The following ZMYM4 variants were observed in gnomAD, a reference collection of about 807,000 sequenced individuals.
The protein encoded by ZMYM4 is zinc finger MYM-type protein 4.
In ZMYM4, 31 loss-of-function variants were observed where a neutral mutation model predicts 183.2. The ratio of observed to expected loss-of-function variants is 0.17; its 90% CI spans 0.13 to 0.23. The LOEUF is 0.23. Ranked by LOEUF, ZMYM4 falls within the 10% of genes least tolerant of loss-of-function variation. The pLI, the probability that ZMYM4 is intolerant of heterozygous loss-of-function variation, is 1.00. For synonymous variants in ZMYM4, 592 were observed against 631.2 expected (o/e 0.94, Z 0.93); for missense variants, 1,273 against 1,840.3 (o/e 0.69, Z 5.64).
At chr1:35,291,793 G>A (rs1178345641) in intron 1 of ZMYM4, among the ~76,000 whole-genome samples, 2 of 151,758 alleles carry the variant, frequency 1.3e-5, no homozygotes, top group African/African-American at 2.4e-5. Flanking sequence ...GCCTGCCACC[G>A]CGCCTGTCTA....
chr1:35,361,729 A>G lies in ZMYM4; in HGVS notation c.780A>G (p.Lys260=). 1.9e-6 allele frequency: 3 copies of G among 1,613,854 alleles called. No homozygotes were observed. The highest frequency in any genetic ancestry group is 2.5e-6 in the Non-Finnish European group (3 of 1,179,834). Residue 260 remains lysine, a synonymous_variant, in exon 5 of 30, where the codon AAA becomes AAG. Coordinates refer to ENST00000314607, the MANE Select transcript of ZMYM4 (RefSeq NM_005095.3). The part of the protein sequence containing the change: ...KEEPLDDEYD[K]AMAPQQGLLD... ...AACCTTTGGATGATGAGTATGACAA[A>G]GCAATGGCACCACAGCAGGGACTAC...
At chr1:35,383,967 A>G (rs989291743) in intron 9 of ZMYM4, among the ~76,000 whole-genome samples, 2 of 152,224 alleles carry the variant, frequency 1.3e-5, no homozygotes, top group African/African-American at 4.8e-5. Flanking sequence ...AGTAAGAATG[A>G]AAGAATGCCT....
At chr1:35,352,487 A>G (rs939098819) in intron 2 of ZMYM4, among the ~76,000 whole-genome samples, 9 of 152,022 alleles carry the variant, frequency 5.9e-5, no homozygotes, top group Admixed American at 6.6e-5. Flanking sequence ...CTGTTCCTTC[A>G]GTTCCTCTGA....
rs1644184440 is a variant in ZMYM4 at position 35,370,638 on chromosome 1, A to T, written c.1181+11A>T. On this transcript the variant is annotated intron_variant, in intron 7 of 29. Coordinates refer to ENST00000314607, the MANE Select transcript of ZMYM4 (RefSeq NM_005095.3). ...TTCAAGTTGCTCAAAGTATAGCAGA[A>T]TTCTAAATTATCTTTTTTGTTTCTT... 1.3e-6 allele frequency: 2 copies of T among 1,567,018 alleles called. No individual in the cohort carries two copies. The highest frequency in any genetic ancestry group is 1.4e-5 in the African/African-American group (1 of 73,324).
At chr1:35,399,342 C>T in intron 22 of ZMYM4, 140 bp from the exon 23 acceptor site, 1 of 851,496 alleles carries the variant, frequency 1.2e-6, no homozygotes, top group Non-Finnish European at 1.8e-6. Flanking sequence ...TGGTTTAAGT[C>T]TATAAGTGGA....
intron 7 of ZMYM4, among the ~76,000 whole-genome samples, chr1:35,372,969 C>T (rs1644247337): frequency 6.6e-6 from 1 of 152,028 alleles, no homozygotes; most frequent in Admixed American, 6.6e-5. Flanking sequence ...ACCAGCCTGG[C>T]CAACATGGTG....
chr1:35,370,650 C>T, intron 7 of ZMYM4, 23 bp downstream of exon 7: 2 of 1,497,984 alleles, frequency 1.3e-6, no homozygotes, highest in Non-Finnish European at 9.0e-7. Context: ...TCTAAATTAT[C>T]TTTTTTGTTT....
intron 1 of ZMYM4, among the ~76,000 whole-genome samples, chr1:35,269,811 G>A (rs961540734): frequency 6.6e-6 from 1 of 152,178 alleles, no homozygotes; most frequent in African/African-American, 2.4e-5. Flanking sequence ...AAGTTTGTCT[G>A]GAAACTTTCC....
chr1:35,379,733 G>A (rs1378366456), intron 7 of ZMYM4, among the ~76,000 whole-genome samples: 1 of 152,220 alleles, frequency 6.6e-6, no homozygotes, highest in Non-Finnish European at 1.5e-5. Flanking sequence ...CTTTTGTTGA[G>A]CACTTAGAGG....
chr1:35,401,099 C>T (rs1196734322), intron 23 of ZMYM4, among the ~76,000 whole-genome samples: 1 of 152,112 alleles, frequency 6.6e-6, no homozygotes, highest in Non-Finnish European at 1.5e-5. Context: ...TAGTATCAAT[C>T]TTTGTGTGAA....
At chr1:35,397,655 T>A in intron 20 of ZMYM4, 110 bp downstream of exon 20, 1 of 903,176 alleles carries the variant, frequency 1.1e-6, no homozygotes, top group Admixed American at 3.7e-5. Context: ...CTTTATTGTC[T>A]GTGAATACCA....
At chr1:35,387,321 G>C in intron 12 of ZMYM4, 43 bp downstream of exon 12, 1 of 1,591,846 alleles carries the variant, frequency 6.3e-7, no homozygotes, top group East Asian at 2.2e-5. Context: ...AGTATACGTG[G>C]GTCTATTTGT....
At chr1:35,350,433 C>A (rs1265161411) in intron 2 of ZMYM4, among the ~76,000 whole-genome samples, 2 of 152,082 alleles carry the variant, frequency 1.3e-5, no homozygotes, top group Non-Finnish European at 2.9e-5. Context: ...GGATTAAAGG[C>A]ATGTGCCACC....
intron 7 of ZMYM4, among the ~76,000 whole-genome samples, chr1:35,378,743 C>A (rs1048322067): frequency 4.6e-5 from 7 of 152,252 alleles, no homozygotes; most frequent in African/African-American, 1.4e-4. Context: ...TAGATGGCAT[C>A]GTTTTTCAAT....
chr1:35,355,917 A>G (rs774087805), intron 2 of ZMYM4, among the ~76,000 whole-genome samples: 4 of 152,118 alleles, frequency 2.6e-5, no homozygotes, highest in Non-Finnish European at 5.9e-5. Flanking sequence ...TTCAAATACT[A>G]TATCCTGAAT....
At chr1:35,309,988 G>A (rs1264047563) in intron 1 of ZMYM4, among the ~76,000 whole-genome samples, 6 of 147,064 alleles carry the variant, frequency 4.1e-5, no homozygotes, top group African/African-American at 1.5e-4. Context: ...AGAGTGCAAT[G>A]GCGCGATCTC....
intron 2 of ZMYM4, among the ~76,000 whole-genome samples, chr1:35,342,282 G>A (rs755375904): frequency 1.6e-4 from 24 of 151,896 alleles, no homozygotes; most frequent in South Asian, 8.3e-4. Context: ...ACCCTCCCCC[G>A]TAGCTGGGAC....
intron 1 of ZMYM4, among the ~76,000 whole-genome samples, chr1:35,274,733 T>C (rs1639787215): frequency 1.3e-5 from 2 of 151,638 alleles, no homozygotes; most frequent in African/African-American, 4.9e-5. Context: ...ATAATGATAA[T>C]ACTTGGTATT....
chr1:35,414,617 T>C (rs530024488), intron 27 of ZMYM4, among the ~76,000 whole-genome samples: 1 of 152,388 alleles, frequency 6.6e-6, no homozygotes, highest in East Asian at 1.9e-4. Context: ...AACAGGAGTT[T>C]GCAAACTATG....
Sources: gnomAD v4.1 joint callset for allele counts (sites outside exome capture counted in the v4.1 genomes callset) on GRCh38, gnomAD v4.1.1 for gene constraint, MANE v1.5 for transcripts, NCBI Gene and HGNC (gene_info 2026-07-23, HGNC 2026-07-21) for gene names.